Variants in ZBBX observed in about 807,000 individuals in gnomAD.
The protein encoded by ZBBX is zinc finger B-box domain-containing protein 1.
In ZBBX, 101 loss-of-function variants were observed where a neutral mutation model predicts 108.5. That is an observed-to-expected ratio of 0.93 (90% confidence interval 0.79 to 1.10). The LOEUF is 1.10. Ranked by LOEUF, ZBBX falls within the 50% of genes least tolerant of loss-of-function variation. ZBBX has a pLI of 0.00. For synonymous variants in ZBBX, 356 were observed against 323.4 expected (o/e 1.10, Z -1.08); for missense variants, 1,009 against 941.4 (o/e 1.07, Z -0.94).
intron 9 of ZBBX, among the ~76,000 whole-genome samples, chr3:167,347,718 G>A (rs1219975985): frequency 6.6e-6 from 1 of 151,948 alleles, no homozygotes; most frequent in African/African-American, 2.4e-5. Context: ...CAGGAAGTCT[G>A]TGTATGCTCT....
intron 18 of ZBBX, among the ~76,000 whole-genome samples, chr3:167,291,740 A>G (rs1730728858): frequency 6.6e-6 from 1 of 152,204 alleles, no homozygotes; most frequent in Non-Finnish European, 1.5e-5. Context: ...TAAATGCCCC[A>G]ATTAAAAGAC....
At chr3:167,403,040 G>C (rs1748474054) in intron 1 of ZBBX, among the ~76,000 whole-genome samples, 1 of 152,138 alleles carries the variant, frequency 6.6e-6, no homozygotes, top group Non-Finnish European at 1.5e-5. Flanking sequence ...GAGAAACAAT[G>C]ACTGAAAAGT....
intron 9 of ZBBX, among the ~76,000 whole-genome samples, chr3:167,335,353 G>A (rs1739378460): frequency 6.6e-6 from 1 of 152,080 alleles, no homozygotes; most frequent in African/African-American, 2.4e-5. Context: ...ACAAAGAACT[G>A]GCAAATTTGG....
chr3:167,395,782 A>T (rs1748216178), intron 1 of ZBBX, among the ~76,000 whole-genome samples: 1 of 151,962 alleles, frequency 6.6e-6, no homozygotes, highest in South Asian at 2.1e-4. Flanking sequence ...TATGCATATC[A>T]TAAATTGCAA....
chr3:167,195,114 T>C, the ZBBX span, among the ~76,000 whole-genome samples: 1 of 152,074 alleles, frequency 6.6e-6, no homozygotes, highest in Non-Finnish European at 1.5e-5. Context: ...GGAGAAAAAT[T>C]TGTGTTAGAT....
At chr3:167,186,358 C>T in the ZBBX span, among the ~76,000 whole-genome samples, 11 of 151,374 alleles carry the variant, frequency 7.3e-5, no homozygotes, top group Non-Finnish European at 1.3e-4. Flanking sequence ...ATACTGGCTG[C>T]CATAGTGCTA....
At chr3:167,190,560 T>C in the ZBBX span, among the ~76,000 whole-genome samples, 1 of 152,078 alleles carries the variant, frequency 6.6e-6, no homozygotes, top group African/African-American at 2.4e-5. Flanking sequence ...TTTTGTATTT[T>C]TAGTAGAGTC....
the ZBBX span, among the ~76,000 whole-genome samples, chr3:167,185,571 C>A: frequency 6.6e-6 from 1 of 152,016 alleles, no homozygotes; most frequent in Non-Finnish European, 1.5e-5. Context: ...ATTTTGCTTG[C>A]TGAATACTTA....
chr3:167,205,003 A>G, the ZBBX span, among the ~76,000 whole-genome samples: 1 of 152,084 alleles, frequency 6.6e-6, no homozygotes, highest in Non-Finnish European at 1.5e-5. Context: ...GAGAAGGAAA[A>G]AAATGATGAA....
chr3:167,363,525 A>G (rs1328710674), intron 6 of ZBBX, among the ~76,000 whole-genome samples: 3 of 152,066 alleles, frequency 2.0e-5, no homozygotes, highest in African/African-American at 7.2e-5. Flanking sequence ...CACAAAAAAT[A>G]TGTCTTCCTT....
intron 17 of ZBBX, among the ~76,000 whole-genome samples, chr3:167,300,519 A>G (rs915488516): frequency 6.6e-6 from 1 of 152,120 alleles, no homozygotes; most frequent in African/African-American, 2.4e-5. Context: ...ACACTGAGCA[A>G]TATTTTATAC....
the ZBBX span, among the ~76,000 whole-genome samples, chr3:167,223,219 C>T: frequency 6.6e-6 from 1 of 151,876 alleles, no homozygotes; most frequent in Non-Finnish European, 1.5e-5. Context: ...TCACCCCATA[C>T]CGATTTCTGG....
chr3:167,186,035 C>T, the ZBBX span, among the ~76,000 whole-genome samples: 2 of 151,920 alleles, frequency 1.3e-5, no homozygotes, highest in Non-Finnish European at 2.9e-5. Context: ...TATTTTCCTT[C>T]ATAAATACTA....
At chr3:167,261,977 A>G (rs1576805329) in intron 20 of ZBBX, among the ~76,000 whole-genome samples, 1 of 152,252 alleles carries the variant, frequency 6.6e-6, no homozygotes, top group East Asian at 1.9e-4. Context: ...CCTGTGGTGC[A>G]GGCAGGAATG....
At chr3:167,241,412 T>C (rs1720650740) in intron 21 of ZBBX, among the ~76,000 whole-genome samples, 2 of 152,294 alleles carry the variant, frequency 1.3e-5, no homozygotes, top group African/African-American at 4.8e-5. Context: ...ATTTTATTGG[T>C]GGCAGCAGGG....
At chr3:167,189,811 T>C in the ZBBX span, among the ~76,000 whole-genome samples, 1 of 152,206 alleles carries the variant, frequency 6.6e-6, no homozygotes, top group South Asian at 2.1e-4. Flanking sequence ...CCAAAATTCA[T>C]AGTTTACATT....
chr3:167,210,136 CGTAAT>C, the ZBBX span, among the ~76,000 whole-genome samples: 1 of 150,204 alleles, frequency 6.7e-6, no homozygotes, highest in Non-Finnish European at 1.5e-5. Flanking sequence ...TTTGAGAAAA[CGTAAT>C]GGAATTCAAG....
At position 167,365,924 on chromosome 3, in the gene ZBBX, A is replaced by G; in HGVS notation, c.235T>C (p.Ser79Pro). The change falls in exon 6 of 22, where the codon TCA becomes CCA. Residue 79 changes from serine (S) to proline (P), a missense_variant. Transcript: ENST00000675490. The part of the protein sequence containing the change: ...SGKVGKLVNQ[S>P]YMMSQNKGNV... ...CCTTTATTTTGTGACATCATATATG[A>G]TTGATTGACCAATTTGCCCACTTTT... The G allele has an allele frequency of 6.2e-7, 1 of 1,609,630 alleles. No individual in the cohort carries two copies.
intron 7 of ZBBX, 71 bp from the exon 8 acceptor site, chr3:167,360,050 G>A: frequency 1.2e-6 from 1 of 808,624 alleles, no homozygotes. Flanking sequence ...ATAAATTAAT[G>A]AAACTATGCA....
Sources: allele counts gnomAD v4.1 joint callset (sites outside exome capture counted in the v4.1 genomes callset), GRCh38; gene constraint gnomAD v4.1.1; transcripts MANE v1.5; gene names NCBI Gene and HGNC (gene_info 2026-07-23, HGNC 2026-07-21).